CARNMT1: variants seen among roughly 807,000 people sequenced by gnomAD.
The protein encoded by CARNMT1 is carnosine N-methyltransferase 1, also known as protein-L-histidine N-pros-methyltransferase CARNMT1.
CARNMT1 carries 28 observed loss-of-function variants against 49.6 expected under a neutral mutation model. The observed-to-expected ratio is 0.56, with a 90% confidence interval of 0.42 to 0.77. The LOEUF (loss-of-function observed/expected upper bound fraction) is 0.77, where lower values mean the gene tolerates loss of function less well. CARNMT1 is among the 30% of genes least tolerant of loss of function. The probability of loss-of-function intolerance (pLI) is 0.00; values close to 1 mark genes in which losing one functional copy is unlikely to be tolerated. For missense variants in CARNMT1, 421 were observed against 512.6 expected, an observed-to-expected ratio of 0.82 and a Z score of 1.73; for synonymous variants, 178 against 175.0, an observed-to-expected ratio of 1.02 and a Z score of -0.13.
At chr9:75,014,333 T>C (rs12000603) in intron 3 of CARNMT1, among the ~76,000 whole-genome samples, 1,786 of 152,234 alleles carry the variant, frequency 0.012, 31 homozygotes, top group African/African-American at 0.04. Context: ...AGTAAACGTA[T>C]TGATGTTGTT....
chr9:75,013,991 GAAAAAAAAAAAAACCACATCCACTTACTT>G (rs1190558682), intron 3 of CARNMT1, among the ~76,000 whole-genome samples: 4 of 18,058 alleles, frequency 2.2e-4, no homozygotes, highest in African/African-American at 6.9e-4. Flanking sequence ...GAGAGAGAGA[GAAAAAAAAAAAAACCACATCCACTTACTT>G]AAAAAAAAAA....
At chr9:75,010,860 T>C (rs914804355) in intron 3 of CARNMT1, among the ~76,000 whole-genome samples, 2 of 146,746 alleles carry the variant, frequency 1.4e-5, no homozygotes, top group Non-Finnish European at 3.0e-5. Context: ...TGAGGTTTTA[T>C]TCTGGGTTGA....
At chr9:74,998,106 C>T (rs1222635212) in intron 5 of CARNMT1, among the ~76,000 whole-genome samples, 1 of 152,168 alleles carries the variant, frequency 6.6e-6, no homozygotes, top group Non-Finnish European at 1.5e-5. Context: ...CCTCCATGAT[C>T]TGGAACAAAT....
intron 1 of CARNMT1, among the ~76,000 whole-genome samples, chr9:75,022,504 G>A (rs763991934): frequency 5.9e-5 from 9 of 152,058 alleles, no homozygotes; most frequent in African/African-American, 1.7e-4. Flanking sequence ...GATTATAGGC[G>A]TGAGCCCCTA....
At chr9:75,019,726 C>A (rs944364869) in intron 1 of CARNMT1, among the ~76,000 whole-genome samples, 1 of 152,146 alleles carries the variant, frequency 6.6e-6, no homozygotes, top group Non-Finnish European at 1.5e-5. Context: ...AGATGTCCTA[C>A]CTTTTGAGTG....
chr9:75,012,811 G>A (rs953484476), intron 3 of CARNMT1, among the ~76,000 whole-genome samples: 4 of 151,490 alleles, frequency 2.6e-5, no homozygotes, highest in Non-Finnish European at 5.9e-5. Context: ...CTAGCTACTC[G>A]GGAGGCTGAG....
In CARNMT1 at chr9:74,981,355, ATGTT is replaced by A. The variant is rs1226489092; in HGVS notation, c.*2408_*2411del. 6.6e-6 allele frequency: 1 copy of A among 152,180 alleles called. No individual in the cohort carries two copies. Among genetic ancestry groups the A allele is most frequent in the Non-Finnish European group, 1.5e-5 (1 of 67,998 alleles). The allele number at this position is 152,180 out of a possible 1,614,324, so 9.4% of individuals were successfully genotyped here. ...CTCCCATTTCATAAAGTAAATGAAA[ATGTT>A]TGTGTATAAAGCTAATTTAAGAAAA... On this transcript the variant is annotated 3_prime_UTR_variant, in exon 8 of 8. Coordinates refer to ENST00000376834, the MANE Select transcript of CARNMT1 (RefSeq NM_152420.3).
intron 5 of CARNMT1, among the ~76,000 whole-genome samples, chr9:74,997,123 C>CTG (rs200324665): frequency 0.016 from 2,384 of 152,252 alleles, 27 homozygotes; most frequent in Middle Eastern, 0.044. Context: ...GGTATGGTGT[C>CTG]TATACAAATG....
intron 1 of CARNMT1, among the ~76,000 whole-genome samples, chr9:75,020,639 A>G (rs148427933): frequency 6.6e-6 from 1 of 152,218 alleles, no homozygotes; most frequent in Non-Finnish European, 1.5e-5. Context: ...TCATTCATCC[A>G]AACAATTTTC....
chr9:75,026,345 T>A (rs1017352919), intron 1 of CARNMT1, among the ~76,000 whole-genome samples: 1 of 152,208 alleles, frequency 6.6e-6, no homozygotes, highest in Non-Finnish European at 1.5e-5. Flanking sequence ...AAATTGGTCC[T>A]AATATATTAA....
chr9:74,985,206 G>A (rs537270652), intron 6 of CARNMT1, among the ~76,000 whole-genome samples, 196 bp from the exon 7 acceptor site: 1 of 152,332 alleles, frequency 6.6e-6, no homozygotes, highest in Non-Finnish European at 1.5e-5. Flanking sequence ...TGAGGAGTGA[G>A]TCCCTCTGGC....
At chr9:75,005,770 G>T (rs1481207571) in intron 3 of CARNMT1, among the ~76,000 whole-genome samples, 4 of 149,788 alleles carry the variant, frequency 2.7e-5, no homozygotes, top group African/African-American at 9.8e-5. Flanking sequence ...ACCGAGCCCG[G>T]CAAGTATATG....
intron 1 of CARNMT1, among the ~76,000 whole-genome samples, chr9:75,026,573 CCTCT>C (rs1822535576): frequency 6.6e-6 from 1 of 152,156 alleles, no homozygotes; most frequent in African/African-American, 2.4e-5. Flanking sequence ...CGCCTTGCTC[CCTCT>C]GTTACTACTA....
At chr9:74,995,625 A>G (rs1833164862) in intron 6 of CARNMT1, among the ~76,000 whole-genome samples, 8 of 152,182 alleles carry the variant, frequency 5.3e-5, no homozygotes, top group Admixed American at 5.2e-4. Flanking sequence ...TAAAATTAAA[A>G]AGAGAGTAGG....
rs754397760 is a variant in CARNMT1, at chr9:74,984,973, T to C, written c.1062A>G (p.Glu354=). ...CCTCATAGCTCAATTCTATGGAAAGTTCATTTGCCAGATTTTCAAAGTGGT... is the reference window on the plus strand; with the variant it reads ...CCTCATAGCTCAATTCTATGGAAAGCTCATTTGCCAGATTTTCAAAGTGGT... The part of the protein sequence containing the change: ...LLYHFENLAN[E]LSIELSYEDI... The change falls in exon 7 of 8, where the codon GAA becomes GAG. Residue 354 remains glutamate, a synonymous_variant. Coordinates refer to ENST00000376834, the MANE Select transcript of CARNMT1 (RefSeq NM_152420.3). 4.3e-6 allele frequency: 7 copies of C among 1,613,886 alleles called. No homozygotes were observed. Among genetic ancestry groups the C allele is most frequent in the Middle Eastern group, 1.7e-4 (1 of 6,056 alleles).
At chr9:75,020,267 C>CTTTTTTT in intron 1 of CARNMT1, among the ~76,000 whole-genome samples, 1 of 124,296 alleles carries the variant, frequency 8.0e-6, no homozygotes, top group Non-Finnish European at 1.7e-5. Flanking sequence ...CATTTTTCTT[C>CTTTTTTT]TTTTTTTTTT....
intron 2 of CARNMT1, chr9:75,016,977 A>G (rs1833874405): frequency 2.4e-6 from 1 of 420,166 alleles, no homozygotes; most frequent in Admixed American, 4.2e-5. Context: ...GCTTTTAAAA[A>G]TTTAAGTCAC....
intron 3 of CARNMT1, among the ~76,000 whole-genome samples, chr9:75,004,141 T>C (rs186765572): frequency 2.5e-4 from 38 of 152,308 alleles, no homozygotes; most frequent in African/African-American, 7.2e-4. Context: ...TCCCAAAGTG[T>C]TGGGATTACA....
At chr9:74,997,077 TGGG>T (rs1833209210) in intron 5 of CARNMT1, among the ~76,000 whole-genome samples, 1 of 152,140 alleles carries the variant, frequency 6.6e-6, no homozygotes, top group Admixed American at 6.6e-5. Context: ...AAGCAGTGGG[TGGG>T]AACCCAGTAG....
Sources: gnomAD v4.1 joint callset for allele counts (sites outside exome capture counted in the v4.1 genomes callset) on GRCh38, gnomAD v4.1.1 for gene constraint, MANE v1.5 for transcripts, NCBI Gene and HGNC (gene_info 2026-07-23, HGNC 2026-07-21) for gene names.